SIAH3: variants seen among roughly 807,000 people sequenced by gnomAD.
SIAH3 encodes seven in absentia homolog 3.
SIAH3 carries 9 observed loss-of-function variants against 12.6 expected under a neutral mutation model. That is an observed-to-expected ratio of 0.72 (90% CI 0.43 to 1.25). The LOEUF (loss-of-function observed/expected upper bound fraction) is 1.25, where lower values mean the gene tolerates loss of function less well. Ranked by LOEUF, SIAH3 falls within the 50% of genes most tolerant of loss-of-function variation. SIAH3 has a pLI of 0.00. For synonymous variants in SIAH3, 154 were observed against 151.1 expected (o/e 1.02, Z -0.14); for missense variants, 390 against 365.4 (o/e 1.07, Z -0.55).
chr13:45,851,400 C>G (rs1950781214), intron 1 of SIAH3, 95 bp downstream of exon 1: 1 of 1,537,366 alleles, frequency 6.5e-7, no homozygotes, highest in Non-Finnish European at 8.9e-7. Flanking sequence ...CCCGGGTTTG[C>G]AAAGGGCTGC....
chr13:45,805,760 C>A (rs1008014741), intron 1 of SIAH3, among the ~76,000 whole-genome samples: 5 of 152,060 alleles, frequency 3.3e-5, no homozygotes, highest in African/African-American at 1.2e-4. Flanking sequence ...TTCTGCACAG[C>A]AAAAGAAACT....
intron 1 of SIAH3, among the ~76,000 whole-genome samples, chr13:45,840,346 T>G (rs906475810): frequency 1.4e-4 from 21 of 152,250 alleles, no homozygotes; most frequent in African/African-American, 5.1e-4. Context: ...GTGCCTCAGC[T>G]TCCTCATGTG....
At chr13:45,819,191 C>A (rs1285869363) in intron 1 of SIAH3, among the ~76,000 whole-genome samples, 1 of 152,160 alleles carries the variant, frequency 6.6e-6, no homozygotes, top group African/African-American at 2.4e-5. Context: ...TCCCAGATGG[C>A]CCCCTGCTGT....
chr13:45,796,786 TCTC>T, intron 1 of SIAH3, among the ~76,000 whole-genome samples: 1 of 152,282 alleles, frequency 6.6e-6, no homozygotes, highest in East Asian at 1.9e-4. Context: ...GCAATGTGGC[TCTC>T]CTCACACCGA....
intron 1 of SIAH3, among the ~76,000 whole-genome samples, chr13:45,812,956 A>G (rs887834350): frequency 6.6e-6 from 1 of 152,218 alleles, no homozygotes; most frequent in Non-Finnish European, 1.5e-5. Context: ...TCTTCCCAGG[A>G]GAAGGAAGCC....
chr13:45,819,650 C>A (rs1438666614), intron 1 of SIAH3, among the ~76,000 whole-genome samples: 1 of 152,156 alleles, frequency 6.6e-6, no homozygotes, highest in East Asian at 1.9e-4. Flanking sequence ...TTGCTCTGTG[C>A]TTATATGTAA....
chr13:45,783,966 C>A lies in SIAH3; in HGVS notation c.227G>T (p.Arg76Leu). The change falls in exon 2 of 2, where the codon CGC (arginine) becomes CTC (leucine). Residue 76 changes from arginine to leucine, a missense_variant. Physicochemically the swap from Arg to Leu is moderately radical, Grantham distance 102. Coordinates refer to ENST00000400405, the MANE Select transcript of SIAH3 (RefSeq NM_198849.3). ...GTGGTGGCGGAGGTGGTGGTGGTGGCGGTGGTGGCAGTGGTGGTGGGAGAG... is the reference window on the plus strand; with the variant it reads ...GTGGTGGCGGAGGTGGTGGTGGTGGAGGTGGTGGCAGTGGTGGTGGGAGAG... Reference protein sequence around the residue: ...HHLSHHHCHHRHHHHLRHHAH... With the variant: ...HHLSHHHCHHLHHHHLRHHAH... 1.2e-6 allele frequency: 2 copies of A among 1,603,742 alleles called. No homozygotes were observed. Among genetic ancestry groups the A allele is most frequent in the Non-Finnish European group, 1.7e-6 (2 of 1,175,316 alleles).
At chr13:45,846,777 G>C (rs534415304) in intron 1 of SIAH3, among the ~76,000 whole-genome samples, 1 of 152,062 alleles carries the variant, frequency 6.6e-6, no homozygotes, top group Non-Finnish European at 1.5e-5. Flanking sequence ...AGAGGTAATC[G>C]GCTCACCTCA....
At chr13:45,788,524 T>G (rs1950535229) in intron 1 of SIAH3, among the ~76,000 whole-genome samples, 4 of 152,220 alleles carry the variant, frequency 2.6e-5, no homozygotes, top group Admixed American at 2.6e-4. Flanking sequence ...AATGTTAGGC[T>G]TTATAGGCTG....
At position 45,829,058 on chromosome 13, in the gene SIAH3, G is replaced by A. The variant is rs111600008; in HGVS notation, c.135+22437C>T. Among the ~76,000 whole-genome samples the A allele has an allele frequency of 4.9e-3, 745 of 152,110 alleles. 10 individuals carry two copies. The highest frequency in any genetic ancestry group is 0.017 in the African/African-American group (699 of 41,470). On this transcript the variant is annotated intron_variant, in intron 1 of 1. Transcript: ENST00000400405. Reference sequence around the variant, plus strand: ...TAATAATAGTTAATCTAGAATTACCGCTGATTAAGCACCAAGACCTTTCAT... The same window carrying A: ...TAATAATAGTTAATCTAGAATTACCACTGATTAAGCACCAAGACCTTTCAT...
chr13:45,794,680 C>T (rs1950556807), intron 1 of SIAH3, among the ~76,000 whole-genome samples: 1 of 152,180 alleles, frequency 6.6e-6, no homozygotes, highest in Non-Finnish European at 1.5e-5. Context: ...GCCTTTGCTC[C>T]TCCTTCACTT....
At chr13:45,795,506 C>G (rs1950559428) in intron 1 of SIAH3, among the ~76,000 whole-genome samples, 1 of 152,182 alleles carries the variant, frequency 6.6e-6, no homozygotes, top group Non-Finnish European at 1.5e-5. Flanking sequence ...AGACAAACTC[C>G]TCTGACAGCT....
intron 1 of SIAH3, among the ~76,000 whole-genome samples, chr13:45,784,396 C>CTT (rs1555256292): frequency 3.8e-4 from 39 of 102,012 alleles, no homozygotes; most frequent in East Asian, 1.7e-3. Flanking sequence ...ACAAAGACAG[C>CTT]TGTTTTTTTT....
chr13:45,793,450 AG>A (rs780862270), intron 1 of SIAH3, among the ~76,000 whole-genome samples: 22 of 152,194 alleles, frequency 1.4e-4, no homozygotes, highest in East Asian at 1.9e-4. Flanking sequence ...TAACTAGGAC[AG>A]GTCTGTATGT....
intron 1 of SIAH3, among the ~76,000 whole-genome samples, chr13:45,850,283 C>G (rs1280000699): frequency 6.6e-6 from 1 of 152,184 alleles, no homozygotes; most frequent in Non-Finnish European, 1.5e-5. Flanking sequence ...TGGGGGCACC[C>G]ATCAGCGCTG....
chr13:45,837,838 G>T (rs1001277005), intron 1 of SIAH3, among the ~76,000 whole-genome samples: 1 of 152,176 alleles, frequency 6.6e-6, no homozygotes, highest in Admixed American at 6.6e-5. Flanking sequence ...AACTAAATTT[G>T]AAGCCACATC....
chr13:45,842,132 C>G (rs577431600), intron 1 of SIAH3, among the ~76,000 whole-genome samples: 1 of 152,306 alleles, frequency 6.6e-6, no homozygotes, highest in African/African-American at 2.4e-5. Context: ...TGGTCCTCAG[C>G]AGGTATGTCC....
In SIAH3 at chr13:45,783,810, C is replaced by T. The variant is rs775174664; in HGVS notation, c.383G>A (p.Arg128Gln). The T allele has an allele frequency of 8.3e-5, 134 of 1,614,164 alleles. No homozygotes were observed. The highest frequency in any genetic ancestry group is 1.0e-4 in the Non-Finnish European group (121 of 1,180,032). ...GRLEVVVPHLRQIHRVDILQG... is the reference protein window; with the variant it reads ...GRLEVVVPHLQQIHRVDILQG... Reference sequence around the variant, plus strand: ...GAGGATGTCAACCCTATGGATCTGCCGCAGGTGGGGCACCACCACCTCCAG... The same window carrying T: ...GAGGATGTCAACCCTATGGATCTGCTGCAGGTGGGGCACCACCACCTCCAG... The change falls in exon 2 of 2, where the codon CGG (arginine) becomes CAG (glutamine). Residue 128 changes from arginine to glutamine, a missense_variant. Physicochemically the swap from Arg to Gln is conservative, Grantham distance 43 (BLOSUM62 1). Transcript: ENST00000400405.
At chr13:45,792,382 A>C (rs891970414) in intron 1 of SIAH3, among the ~76,000 whole-genome samples, 5 of 142,564 alleles carry the variant, frequency 3.5e-5, no homozygotes, top group African/African-American at 1.0e-4. Flanking sequence ...TTTGAGATGG[A>C]GTTTCACTCT....
Sources: gnomAD v4.1 joint callset for allele counts (sites outside exome capture counted in the v4.1 genomes callset) on GRCh38, gnomAD v4.1.1 for gene constraint, MANE v1.5 for transcripts, NCBI Gene and HGNC (gene_info 2026-07-23, HGNC 2026-07-21) for gene names.